Variants in TTC7A observed in about 807,000 individuals in gnomAD.
TTC7A encodes tetratricopeptide repeat domain 7A.
A neutral mutation model predicts 103.7 loss-of-function variants in TTC7A; 110 were observed. That is an observed-to-expected ratio of 1.06 (90% CI 0.91 to 1.24). The LOEUF is 1.24. Among genes scored for constraint, TTC7A ranks in the 50% most tolerant of loss-of-function variants. The pLI is 0.00. For missense variants in TTC7A, 1,340 were observed against 1,116.3 expected (o/e 1.20, Z -2.86); for synonymous variants, 521 against 467.9 (o/e 1.11, Z -1.47).
At chr2:46,921,215 G>A (rs1669085888) in intron 2 of TTC7A, among the ~76,000 whole-genome samples, 1 of 152,102 alleles carries the variant, frequency 6.6e-6, no homozygotes, top group South Asian at 2.1e-4. Context: ...AGACTGGGAA[G>A]AAAAAGTAAA....
chr2:47,014,739 G>A (rs1021239019), intron 11 of TTC7A, among the ~76,000 whole-genome samples: 1 of 152,236 alleles, frequency 6.6e-6, no homozygotes, highest in Non-Finnish European at 1.5e-5. Context: ...AGCCCCATGA[G>A]CAGGGGACAG....
intron 15 of TTC7A, among the ~76,000 whole-genome samples, chr2:47,032,003 CTGCGGGCAG>C (rs1342697421): frequency 6.6e-6 from 1 of 152,222 alleles, no homozygotes; most frequent in Non-Finnish European, 1.5e-5. Flanking sequence ...GTCCCTCTCC[CTGCGGGCAG>C]TGTGTGCCCC....
At position 46,925,332 on chromosome 2, in the gene TTC7A, C is replaced by T. The variant is rs577261937; in HGVS notation, c.82+8055C>T. Among the ~76,000 whole-genome samples, 77 of 152,152 alleles carry T rather than the reference C, an allele frequency of 5.1e-4. 2 individuals carry two copies. The South Asian group carries it at 8.7e-3, about 17-fold the overall frequency. ...CAGCACTTTGGGAGGCTAAGGTGGG[C>T]GGATCACTTGAGGTCAGGAGTTCGA... On this transcript the variant is annotated intron_variant, in intron 2 of 20. Transcript: ENST00000409245.
intron 6 of TTC7A, 142 bp downstream of exon 6, chr2:46,993,670 A>T: frequency 1.3e-6 from 1 of 748,926 alleles, no homozygotes; most frequent in Non-Finnish European, 2.3e-6. Flanking sequence ...AATCAATCTC[A>T]GCATCCTTTC....
intron 19 of TTC7A, 97 bp from the exon 20 acceptor site, chr2:47,073,605 T>C: frequency 9.8e-7 from 1 of 1,023,392 alleles, no homozygotes; most frequent in East Asian, 2.4e-5. Flanking sequence ...CTCGAGCTGA[T>C]GGCTGCTGCC....
chr2:47,023,309 C>A, intron 12 of TTC7A, 99 bp from the exon 13 acceptor site: 1 of 1,285,124 alleles, frequency 7.8e-7, no homozygotes, highest in Non-Finnish European at 1.1e-6. Flanking sequence ...CCTGGTGGGG[C>A]CTTTATCTGC....
intron 2 of TTC7A, among the ~76,000 whole-genome samples, chr2:46,955,830 AT>A (rs1671809399): frequency 1.3e-5 from 2 of 152,154 alleles, no homozygotes; most frequent in Non-Finnish European, 2.9e-5. Flanking sequence ...CAGGTGTGGG[AT>A]GAGAGCTGCA....
At chr2:47,012,146 G>A (rs553814786) in intron 11 of TTC7A, among the ~76,000 whole-genome samples, 3 of 152,334 alleles carry the variant, frequency 2.0e-5, no homozygotes, top group South Asian at 2.1e-4. Flanking sequence ...GGGCCTACTC[G>A]GATGCTGCTC....
At position 46,928,854 on chromosome 2, in the gene TTC7A, C is replaced by G. The variant is rs1016403592; in HGVS notation, c.82+11577C>G. ...TACACCAGAGGGGTAGGGGGGGAAG[C>G]TTTAAAAGCCACATTTATTTTGAAA... On this transcript the variant is annotated intron_variant, in intron 2 of 20. Coordinates refer to the TTC7A transcript ENST00000409245. 2.0e-5 allele frequency among the ~76,000 whole-genome samples: 3 copies of G among 152,180 alleles called. No homozygotes were observed. The South Asian group carries it at 6.2e-4, about 32-fold the overall frequency.
intron 17 of TTC7A, 149 bp downstream of exon 17, chr2:47,050,195 C>T (rs1465299606): frequency 7.5e-6 from 5 of 667,438 alleles, no homozygotes; most frequent in Non-Finnish European, 7.9e-6. Context: ...ACTTCTGGGG[C>T]TGATCTTGGC....
chr2:47,024,248 C>T, intron 13 of TTC7A, 39 bp from the exon 14 acceptor site: 2 of 1,551,406 alleles, frequency 1.3e-6, no homozygotes, highest in Admixed American at 1.8e-5. Flanking sequence ...GGTCACTCAA[C>T]CCCTGGTGCC....
intron 3 of TTC7A, among the ~76,000 whole-genome samples, chr2:46,957,241 A>G (rs1671956650): frequency 6.6e-6 from 1 of 152,080 alleles, no homozygotes; most frequent in Non-Finnish European, 1.5e-5. Context: ...CAATTACCCT[A>G]CTTTGTGTAC....
At chr2:46,931,520 G>C (rs1054395947) in intron 2 of TTC7A, among the ~76,000 whole-genome samples, 1 of 150,230 alleles carries the variant, frequency 6.7e-6, no homozygotes, top group African/African-American at 2.5e-5. Context: ...GAAACAGGAG[G>C]GTCAGAGTCA....
intron 7 of TTC7A, 91 bp downstream of exon 7, chr2:46,994,605 C>T (rs1249978877): frequency 1.5e-6 from 2 of 1,293,078 alleles, no homozygotes; most frequent in South Asian, 2.7e-5. Flanking sequence ...GCCCCATGCT[C>T]TCCTCCAGTC....
At chr2:47,067,649 A>C (rs1461628801) in intron 19 of TTC7A, among the ~76,000 whole-genome samples, 1 of 152,234 alleles carries the variant, frequency 6.6e-6, no homozygotes, top group Non-Finnish European at 1.5e-5. Flanking sequence ...CCTGAGTCCC[A>C]CTTTGCCTTC....
intron 15 of TTC7A, among the ~76,000 whole-genome samples, chr2:47,031,297 G>C (rs530332529): frequency 9.9e-5 from 15 of 152,252 alleles, no homozygotes; most frequent in African/African-American, 3.1e-4. Context: ...AGTAATACAA[G>C]GTAAGAACAT....
intron 11 of TTC7A, among the ~76,000 whole-genome samples, chr2:47,015,679 A>T (rs558671805): frequency 2.0e-4 from 31 of 152,230 alleles, no homozygotes; most frequent in Non-Finnish European, 4.4e-4. Context: ...GGGTACCTGC[A>T]TGGTTGCTAT....
chr2:47,042,696 GTGTGTGTA>G (rs1681886581), intron 15 of TTC7A, among the ~76,000 whole-genome samples: 1 of 142,188 alleles, frequency 7.0e-6, no homozygotes, highest in Admixed American at 6.9e-5. Context: ...GTGTGTGTGT[GTGTGTGTA>G]TATATATGTA....
chr2:47,053,283 G>T (rs1683020838), intron 18 of TTC7A, among the ~76,000 whole-genome samples: 1 of 152,192 alleles, frequency 6.6e-6, no homozygotes, highest in African/African-American at 2.4e-5. Flanking sequence ...CTTAGGCAAA[G>T]GTTCCCGTCG....
Sources: allele counts gnomAD v4.1 joint callset (sites outside exome capture counted in the v4.1 genomes callset), GRCh38; gene constraint gnomAD v4.1.1; transcripts MANE v1.5; gene names NCBI Gene and HGNC (gene_info 2026-07-23, HGNC 2026-07-21).